The following CCDC102A variants were observed in gnomAD, a reference collection of about 807,000 sequenced individuals.
The protein encoded by CCDC102A is coiled-coil domain containing 102A.
In CCDC102A, 40 loss-of-function variants were observed where a neutral mutation model predicts 55.5. The observed-to-expected ratio is 0.72, with a 90% confidence interval of 0.56 to 0.94. The LOEUF (loss-of-function observed/expected upper bound fraction) is 0.94. Among genes scored for constraint, CCDC102A ranks in the 40% least tolerant of loss-of-function variants. The probability of loss-of-function intolerance (pLI) is 0.00; values close to 1 mark genes in which losing one functional copy is unlikely to be tolerated. For missense variants in CCDC102A, 779 were observed against 768.6 expected (o/e 1.01, Z -0.16); for synonymous variants, 323 against 339.0 (o/e 0.95, Z 0.52).
chr16:57,526,253 G>A, intron 2 of CCDC102A, 126 bp from the exon 3 acceptor site: 1 of 663,546 alleles, frequency 1.5e-6, no homozygotes, highest in South Asian at 1.9e-5. Flanking sequence ...CTCTTCTGCT[G>A]CCTGCCTCTC....
chr16:57,529,148 G>A lies in CCDC102A; in HGVS notation c.30C>T (p.Ala10=), dbSNP rs1286934853. The A allele has an allele frequency of 8.4e-7, 1 of 1,184,526 alleles. No individual in the cohort carries two copies. The allele number at this position is 1,184,526 out of a possible 1,614,324, so 73.4% of individuals were successfully genotyped here. A position where few individuals can be genotyped will look rare whatever the true frequency, so the allele number is the denominator to read the frequency against. ...TGCCCTTGGACAGCTGCGGGGACTC[G>A]GCCAGCCGGGGGCTGGGCCCGTGGC... MSHGPSPRL[A]ESPQLSKGSL... Residue 10 remains alanine, a synonymous_variant, in exon 2 of 9, where the codon GCC becomes GCT. Coordinates refer to ENST00000258214, the MANE Select transcript of CCDC102A (RefSeq NM_033212.4). This position sits in a 1 kb window ranked among gnomAD's most constrained non-coding sequence, Gnocchi z 4.1.
At chr16:57,520,593 TAAATA>T (rs1161879595) in intron 4 of CCDC102A, among the ~76,000 whole-genome samples, 1,609 of 114,208 alleles carry the variant, frequency 0.014, 46 homozygotes, top group African/African-American at 0.056. Flanking sequence ...TAACATAACA[TAAATA>T]AAATAAAATA....
In CCDC102A at chr16:57,512,570, A is replaced by G. The variant is rs1418125571; in HGVS notation, c.*171T>C. The G allele has an allele frequency of 1.4e-5, 10 of 730,248 alleles. No individual in the cohort carries two copies. The highest frequency in any genetic ancestry group is 2.2e-5 in the Non-Finnish European group (10 of 447,208). 45.2% of individuals were successfully genotyped at this position (730,248 alleles called of 1,614,324 possible). The stretch of plus-strand genomic sequence containing the variant: ...TATATAAAACATAGGCTTCCTTTCC[A>G]CAGGGCGTTGGTAGGTGGGACTGTT... On this transcript the variant is annotated 3_prime_UTR_variant, in exon 9 of 9. Transcript: ENST00000258214.
intron 3 of CCDC102A, among the ~76,000 whole-genome samples, chr16:57,522,981 A>G (rs558418561): frequency 2.0e-5 from 3 of 152,328 alleles, no homozygotes; most frequent in East Asian, 1.9e-4. Flanking sequence ...AGCCTGGGCA[A>G]CATGGTGAAA....
chr16:57,535,622 G>A (rs1396936294), intron 1 of CCDC102A, among the ~76,000 whole-genome samples: 4 of 151,674 alleles, frequency 2.6e-5, no homozygotes, highest in Non-Finnish European at 5.9e-5. Flanking sequence ...TGGGGACCCA[G>A]CCCCACCCCG....
At chr16:57,518,307 C>T in intron 5 of CCDC102A, 30 bp from the exon 6 acceptor site, 1 of 1,597,806 alleles carries the variant, frequency 6.3e-7, no homozygotes, top group Non-Finnish European at 8.5e-7. Context: ...AGTGAGGACT[C>T]CCAGCGGAGG....
At chr16:57,532,046 T>C (rs2032276370) in intron 1 of CCDC102A, among the ~76,000 whole-genome samples, 1 of 152,230 alleles carries the variant, frequency 6.6e-6, no homozygotes, top group Non-Finnish European at 1.5e-5. Context: ...GGCCCAGCTC[T>C]GACACCAACC....
chr16:57,536,123 G>A (rs1257090041), intron 1 of CCDC102A, among the ~76,000 whole-genome samples: 8 of 151,512 alleles, frequency 5.3e-5, no homozygotes, highest in Admixed American at 2.6e-4. Flanking sequence ...TGCTCTGATT[G>A]GCCAGCGCCG....
intron 3 of CCDC102A, among the ~76,000 whole-genome samples, chr16:57,522,303 C>T (rs1890501239): frequency 6.6e-6 from 1 of 152,128 alleles, no homozygotes; most frequent in African/African-American, 2.4e-5. Context: ...AGCTCACTCC[C>T]TGGAACTGCA....
In CCDC102A at chr16:57,516,206, G is replaced by C; in HGVS notation, c.1419+87C>G. ...AGGCTTGTGCCAGGCACCAGGGGCT[G>C]AGAATGGAGAAGCCAGGATGGCCCT... On this transcript the variant is annotated intron_variant, in intron 7 of 8. Transcript: ENST00000258214. This position sits in a 1 kb window ranked among gnomAD's most constrained non-coding sequence, Gnocchi z 4.4. The C allele has an allele frequency of 7.3e-7, 1 of 1,378,184 alleles. No homozygotes were observed. Among genetic ancestry groups the C allele is most frequent in the Non-Finnish European group, 1.0e-6 (1 of 1,004,270 alleles). 85.4% of individuals were successfully genotyped at this position (1,378,184 alleles called of 1,614,324 possible).
rs1440213683 is a variant in CCDC102A, at chr16:57,518,797, C to A, written c.922-56G>T. 9.2e-6 allele frequency: 13 copies of A among 1,406,550 alleles called. No individual in the cohort carries two copies. In the East Asian group the frequency reaches 3.2e-4, roughly 35 times the overall value. 87.1% of individuals were successfully genotyped at this position (1,406,550 alleles called of 1,614,324 possible). ...GAACCACCAGGATATAGCCTGGAAC[C>A]ACCTCCGGGGGTGGGCGCCAGTGCA... On this transcript the variant is annotated intron_variant, in intron 4 of 8. Coordinates refer to ENST00000258214, the MANE Select transcript of CCDC102A (RefSeq NM_033212.4).
intron 7 of CCDC102A, among the ~76,000 whole-genome samples, chr16:57,515,907 C>T (rs2031946580): frequency 6.6e-6 from 1 of 151,846 alleles, no homozygotes; most frequent in African/African-American, 2.4e-5. Flanking sequence ...GTTCTTCCAC[C>T]CACTGACCCA....
At chr16:57,533,586 G>A (rs1439169276) in intron 1 of CCDC102A, among the ~76,000 whole-genome samples, 9 of 130,036 alleles carry the variant, frequency 6.9e-5, no homozygotes, top group Non-Finnish European at 6.4e-5. Flanking sequence ...CCAGTAACGC[G>A]CACACTCACA....
chr16:57,522,346 T>C (rs2032066558), intron 3 of CCDC102A, among the ~76,000 whole-genome samples: 1 of 152,160 alleles, frequency 6.6e-6, no homozygotes, highest in Non-Finnish European at 1.5e-5. Context: ...CCAGCTCATA[T>C]TGTGGGGAGG....
At chr16:57,520,595 A>ACATAACATAACATAAC (rs1555519315) in intron 4 of CCDC102A, among the ~76,000 whole-genome samples, 69 of 121,594 alleles carry the variant, frequency 5.7e-4, no homozygotes, top group Middle Eastern at 7.9e-3. Context: ...ACATAACATA[A>ACATAACATAACATAAC]ATAAAATAAA....
chr16:57,512,676 G>A lies in CCDC102A; in HGVS notation c.*65C>T. 2 of 1,552,514 alleles carry A rather than the reference G, an allele frequency of 1.3e-6. No homozygotes were observed. The highest frequency in any genetic ancestry group is 1.2e-5 in the South Asian group (1 of 81,860). ...GAGCCTAGGCACTGCATCAGTTTGAGTGGCTGGTTAGCCTGGACCCTGGGC... is the reference window on the plus strand; with the variant it reads ...GAGCCTAGGCACTGCATCAGTTTGAATGGCTGGTTAGCCTGGACCCTGGGC... On this transcript the variant is annotated 3_prime_UTR_variant, in exon 9 of 9. Transcript: ENST00000258214.
chr16:57,534,106 C>T (rs2032326940), intron 1 of CCDC102A, among the ~76,000 whole-genome samples: 5 of 152,148 alleles, frequency 3.3e-5, no homozygotes, highest in Admixed American at 3.3e-4. Flanking sequence ...AACCCCCACC[C>T]ATCTTCAAGT....
intron 4 of CCDC102A, among the ~76,000 whole-genome samples, chr16:57,519,728 G>T (rs1461930770): frequency 3.3e-5 from 5 of 152,224 alleles, no homozygotes. Context: ...AAGACTAAAA[G>T]AACAGGGTCC....
intron 1 of CCDC102A, among the ~76,000 whole-genome samples, chr16:57,532,996 G>A (rs2032299003): frequency 6.6e-6 from 1 of 152,212 alleles, no homozygotes; most frequent in African/African-American, 2.4e-5. Flanking sequence ...GCCAGGCCTG[G>A]CACAGGGCTT....
Sources: gnomAD v4.1 joint callset for allele counts (sites outside exome capture counted in the v4.1 genomes callset) on GRCh38, gnomAD v4.1.1 for gene constraint, Gnocchi (gnomAD v3.1) non-coding constraint, MANE v1.5 for transcripts, NCBI Gene and HGNC (gene_info 2026-07-23, HGNC 2026-07-21) for gene names.